The following ZNF610 variants were observed in gnomAD, a reference collection of about 807,000 sequenced individuals.
The protein encoded by ZNF610 is zink finger protein.
Under a neutral mutation model 14.1 loss-of-function variants are expected in ZNF610, and 14 were observed. The observed-to-expected ratio is 0.99, with a 90% CI of 0.65 to 1.55. The LOEUF (loss-of-function observed/expected upper bound fraction) is 1.55. Among genes scored for constraint, ZNF610 ranks in the 40% most tolerant of loss-of-function variants. The pLI is 0.00. For missense variants in ZNF610, 530 were observed against 558.0 expected (o/e 0.95, Z 0.51); for synonymous variants, 185 against 187.6 (o/e 0.99, Z 0.11).
chr19:52,339,356 T>C (rs575978890), intron 1 of ZNF610, among the ~76,000 whole-genome samples: 31 of 152,040 alleles, frequency 2.0e-4, no homozygotes, highest in African/African-American at 4.8e-4. Context: ...TCCCTTCCCA[T>C]GAGGCCATAT....
At chr19:52,363,508 A>G (rs1400102846) in intron 5 of ZNF610, among the ~76,000 whole-genome samples, 1 of 152,034 alleles carries the variant, frequency 6.6e-6, no homozygotes, top group Admixed American at 6.6e-5. Flanking sequence ...TCTCCTTTGA[A>G]TTTTGTGAAT....
intron 3 of ZNF610, among the ~76,000 whole-genome samples, chr19:52,352,106 G>A (rs752063490): frequency 1.6e-4 from 25 of 152,294 alleles, no homozygotes; most frequent in Admixed American, 3.3e-4. Context: ...GTAGAGTTGC[G>A]AATTTCTTAC....
chr19:52,345,907 T>C (rs2122199037), intron 1 of ZNF610, among the ~76,000 whole-genome samples: 1 of 151,360 alleles, frequency 6.6e-6, no homozygotes, highest in South Asian at 2.1e-4. Context: ...GGTTTCACCA[T>C]GTTAGCCAGG....
intron 1 of ZNF610, among the ~76,000 whole-genome samples, 197 bp from the exon 2 acceptor site, chr19:52,347,510 A>G (rs1206989142): frequency 2.6e-5 from 4 of 152,204 alleles, no homozygotes; most frequent in Non-Finnish European, 5.9e-5. Context: ...TAGCCTAAAT[A>G]CACAGTAAGT....
intron 3 of ZNF610, among the ~76,000 whole-genome samples, chr19:52,352,798 TATG>T (rs1304709746): frequency 6.6e-5 from 10 of 151,886 alleles, no homozygotes; most frequent in Non-Finnish European, 1.5e-4. Context: ...TACTGTTGAT[TATG>T]ATGTTTTATG....
In ZNF610 at chr19:52,353,450, A is replaced by T. The variant is rs4802923; in HGVS notation, c.64-232A>T. Among the ~76,000 whole-genome samples, 68,972 of 151,598 alleles carry T rather than the reference A, an allele frequency of 0.45. 16,148 individuals are homozygous for T. Among genetic ancestry groups the T allele is most frequent in the African/African-American group, 0.57 (23,650 of 41,276 alleles). Reference sequence around the variant, plus strand: ...GCTGGGGCAGGATTAAACTCTTCCCATGAACCCAGGAGTTTGAGATCTTTC... The same window carrying T: ...GCTGGGGCAGGATTAAACTCTTCCCTTGAACCCAGGAGTTTGAGATCTTTC... On this transcript the variant is annotated intron_variant, in intron 3 of 5. Coordinates refer to ENST00000403906, the MANE Select transcript of ZNF610 (RefSeq NM_001161425.2).
chr19:52,332,413 G>GT (rs1480952490), upstream of ZNF610, among the ~76,000 whole-genome samples: 1 of 152,176 alleles, frequency 6.6e-6, no homozygotes, highest in Non-Finnish European at 1.5e-5. This position sits in a 1 kb window ranked among gnomAD's most constrained non-coding sequence, Gnocchi z 4.1. Context: ...TGATTCTTCA[G>GT]TTTTTTCCAC....
At chr19:52,351,157 T>C (rs2122222193) in intron 3 of ZNF610, among the ~76,000 whole-genome samples, 1 of 151,850 alleles carries the variant, frequency 6.6e-6, no homozygotes, top group African/African-American at 2.4e-5. Context: ...GTTCTCTGAA[T>C]TAGAAATTAG....
intron 5 of ZNF610, among the ~76,000 whole-genome samples, chr19:52,362,984 TA>T (rs1260349448): frequency 6.6e-6 from 1 of 152,108 alleles, no homozygotes; most frequent in African/African-American, 2.4e-5. Context: ...TATTTATTTT[TA>T]TTTTTTAGTT....
rs911424685 is a variant in ZNF610, at chr19:52,362,208, C to T, written c.320-3490C>T. On this transcript the variant is annotated intron_variant, in intron 5 of 5. Transcript: ENST00000403906. ...GGTGGATCACCTGAGGTCAGGAGTT[C>T]AAGACCAGTCTGACCAACATGGTAA... Among the ~76,000 whole-genome samples the T allele has an allele frequency of 1.5e-4, 23 of 152,228 alleles. 1 individual carries two copies. Among genetic ancestry groups the T allele is most frequent in the Admixed American group, 5.2e-4 (8 of 15,294 alleles).
At chr19:52,359,622 C>T (rs62108276) in intron 5 of ZNF610, among the ~76,000 whole-genome samples, 25,850 of 152,128 alleles carry the variant, frequency 0.17, 2,563 homozygotes, top group East Asian at 0.25. Context: ...CCTCTGCTCT[C>T]ACGCCACCAC....
intron 1 of ZNF610, among the ~76,000 whole-genome samples, chr19:52,337,665 G>T (rs12462953): frequency 0.56 from 85,667 of 151,774 alleles, 24,389 homozygotes; most frequent in Non-Finnish European, 0.59. Flanking sequence ...AAAAGAGGGG[G>T]AACCTGAGTG....
intron 1 of ZNF610, among the ~76,000 whole-genome samples, chr19:52,339,464 C>T (rs778698993): frequency 6.8e-6 from 1 of 146,108 alleles, no homozygotes; most frequent in Non-Finnish European, 1.5e-5. Flanking sequence ...CCTGGGTACT[C>T]GAGACTGGAG....
At chr19:52,337,893 CA>C (rs1984459190) in intron 1 of ZNF610, among the ~76,000 whole-genome samples, 1 of 152,194 alleles carries the variant, frequency 6.6e-6, no homozygotes, top group Non-Finnish European at 1.5e-5. Context: ...TGACTTGCCT[CA>C]TTCGGGTGTG....
At chr19:52,350,601 C>T (rs1985202869) in intron 3 of ZNF610, among the ~76,000 whole-genome samples, 1 of 152,154 alleles carries the variant, frequency 6.6e-6, no homozygotes, top group Non-Finnish European at 1.5e-5. Context: ...TTGCTTGAAC[C>T]TGGGAGGCGG....
chr19:52,332,950 C>A (rs1984243979), upstream of ZNF610, among the ~76,000 whole-genome samples: 1 of 152,132 alleles, frequency 6.6e-6, no homozygotes, highest in Admixed American at 6.6e-5. This position sits in a 1 kb window ranked among gnomAD's most constrained non-coding sequence, Gnocchi z 4.1. Context: ...ATTAGATCAG[C>A]CTTTGCTCAG....
chr19:52,335,050 C>T (rs1225649850), upstream of ZNF610, among the ~76,000 whole-genome samples: 1 of 100,064 alleles, frequency 1.0e-5, no homozygotes, highest in Non-Finnish European at 2.0e-5. Context: ...AATCCCAGCA[C>T]TTTGGGGGCC....
At chr19:52,339,000 G>C (rs552870693) in intron 1 of ZNF610, among the ~76,000 whole-genome samples, 1 of 151,956 alleles carries the variant, frequency 6.6e-6, no homozygotes, top group African/African-American at 2.4e-5. Flanking sequence ...GATGTGGCAG[G>C]ACAAAGGTAA....
intron 5 of ZNF610, among the ~76,000 whole-genome samples, chr19:52,357,775 G>A (rs974547885): frequency 2.0e-5 from 3 of 151,890 alleles, no homozygotes; most frequent in African/African-American, 4.8e-5. Context: ...CTATGATCGC[G>A]CCACTGCACT....
Sources: gnomAD v4.1 joint callset for allele counts (sites outside exome capture counted in the v4.1 genomes callset) on GRCh38, gnomAD v4.1.1 for gene constraint, Gnocchi (gnomAD v3.1) non-coding constraint, MANE v1.5 for transcripts, NCBI Gene and HGNC (gene_info 2026-07-23, HGNC 2026-07-21) for gene names.